Variants in OXTR observed in about 807,000 individuals in gnomAD.
OXTR encodes the protein oxytocin receptor.
In OXTR, 19 loss-of-function variants were observed where a neutral mutation model predicts 23.9. The ratio of observed to expected loss-of-function variants is 0.80; its 90% CI spans 0.56 to 1.17. The LOEUF (loss-of-function observed/expected upper bound fraction) is 1.17, where lower values mean the gene tolerates loss of function less well. Ranked by LOEUF, OXTR falls within the 50% of genes most tolerant of loss-of-function variation. The pLI is 0.00. For missense variants in OXTR, 500 were observed against 550.7 expected (o/e 0.91, Z 0.92); for synonymous variants, 278 against 250.5 (o/e 1.11, Z -1.04).
At chr3:8,743,274 G>C in the OXTR span, among the ~76,000 whole-genome samples, 1 of 152,148 alleles carries the variant, frequency 6.6e-6, no homozygotes, top group African/African-American at 2.4e-5. Flanking sequence ...ATGAATACAT[G>C]AAAGAAAAAT....
In OXTR at chr3:8,752,013, A is replaced by T. The variant is rs550558468; in HGVS notation, c.*964T>A. 24 of 152,284 alleles carry T rather than the reference A, an allele frequency of 1.6e-4. No homozygotes were observed. Among genetic ancestry groups the T allele is most frequent in the African/African-American group, 5.5e-4 (23 of 41,578 alleles). The allele number at this position is 152,284 out of a possible 1,614,324, so 9.4% of individuals were successfully genotyped here. A position where few individuals can be genotyped will look rare whatever the true frequency, so the allele number is the denominator to read the frequency against. On this transcript the variant is annotated 3_prime_UTR_variant, in exon 4 of 4. Coordinates refer to ENST00000316793, the MANE Select transcript of OXTR (RefSeq NM_000916.4). ...ATGAACACAGGATGTCTTTCCATTTATTTAAGCCTTCTTTAATTTCTTTCC... is the reference window on the plus strand; with the variant it reads ...ATGAACACAGGATGTCTTTCCATTTTTTTAAGCCTTCTTTAATTTCTTTCC...
chr3:8,761,103 T>C (rs971377934), intron 3 of OXTR, among the ~76,000 whole-genome samples: 2 of 152,128 alleles, frequency 1.3e-5, no homozygotes, highest in Non-Finnish European at 2.9e-5. Context: ...CTGACACACA[T>C]ACACACACGC....
chr3:8,753,255 A>G (rs769434256), intron 3 of OXTR, 31 bp from the exon 4 acceptor site: 8 of 1,610,198 alleles, frequency 5.0e-6, no homozygotes, highest in Non-Finnish European at 6.8e-6. Flanking sequence ...GAAAGGAGAA[A>G]AGGGCATTAA....
rs1559680657 is a variant in OXTR at position 8,767,680 on chromosome 3, G to A, written c.508C>T (p.Pro170Ser). Residue 170 changes from proline (P) to serine (S), a missense_variant, in exon 3 of 4, where the codon CCG becomes TCG. By Grantham distance (74) the Pro-to-Ser change is moderately conservative. Transcript: ENST00000316793. ...TWLGCLVASA[P>S]QVHIFSLREV... The stretch of plus-strand genomic sequence containing the variant: ...CGCAGAGAGAAGATGTGCACCTGCG[G>A]CGCGCTGGCCACCAGGCAGCCGAGC... The A allele has an allele frequency of 1.2e-6, 2 of 1,610,792 alleles. No homozygotes were observed. Among genetic ancestry groups the A allele is most frequent in the Non-Finnish European group, 1.7e-6 (2 of 1,178,704 alleles).
chr3:8,767,732 G>A lies in OXTR; in HGVS notation c.456C>T (p.Thr152=), dbSNP rs200646072. 1 of 1,609,506 alleles carries A rather than the reference G, an allele frequency of 6.2e-7. No homozygotes were observed. The highest frequency in any genetic ancestry group is 8.5e-7 in the Non-Finnish European group (1 of 1,178,084). ...CQPLRSLRRR[T]DRLAVLATWL... is the part of the protein sequence containing the mutation. ...ACGTGGCGAGCACTGCCAGGCGGTC[G>A]GTGCGGCGGCGCAGCGAGCGCAGCG... Residue 152 remains threonine, a synonymous_variant, in exon 3 of 4, where the codon ACC becomes ACT. Coordinates refer to ENST00000316793, the MANE Select transcript of OXTR (RefSeq NM_000916.4).
At chr3:8,744,929 G>T in the OXTR span, 1 of 153,600 alleles carries the variant, frequency 6.5e-6, no homozygotes, top group East Asian at 1.9e-4. Context: ...CAGGGAGCTT[G>T]TTAGAAATAC....
chr3:8,768,193 TG>T lies in OXTR; in HGVS notation c.-7del. 1 of 1,287,132 alleles carries T rather than the reference TG, an allele frequency of 7.8e-7. No homozygotes were observed. The highest frequency in any genetic ancestry group is 9.8e-7 in the Non-Finnish European group (1 of 1,024,150). The allele number at this position is 1,287,132 out of a possible 1,614,324, so 79.7% of individuals were successfully genotyped here. On this transcript the variant is annotated 5_prime_UTR_variant, in exon 3 of 4. Transcript: ENST00000316793. This position sits in a 1 kb window ranked among gnomAD's most constrained non-coding sequence, Gnocchi z 5.4. ...GCTGCGAGCGCGCCCTCCATGACCC[TG>T]GCGGCAGCGGTGCGCCCCGGCCTTC...
rs1338320549 is a variant in OXTR, at chr3:8,767,779, G to T, written c.409C>A (p.Arg137Ser). Residue 137 changes from arginine (R) to serine (S), a missense_variant, in exon 3 of 4, where the codon CGC becomes AGC. Coordinates refer to ENST00000316793, the MANE Select transcript of OXTR (RefSeq NM_000916.4). ...TYLLLLMSLDRCLAICQPLRS... is the reference protein window; with the variant it reads ...TYLLLLMSLDSCLAICQPLRS... ...AGCGGCTGGCAGATGGCCAGGCAGC[G>T]GTCCAGGGACATGAGCAGCAGCAGG... 4 of 1,606,106 alleles carry T rather than the reference G, an allele frequency of 2.5e-6. No individual in the cohort carries two copies. Among genetic ancestry groups the T allele is most frequent in the Non-Finnish European group, 3.4e-6 (4 of 1,176,378 alleles).
Position 8,768,531 on chromosome 3 carries a change from T to G in OXTR, c.-178A>C. On this transcript the variant is annotated 5_prime_UTR_variant, in exon 2 of 4. Transcript: ENST00000316793. This position sits in a 1 kb window ranked among gnomAD's most constrained non-coding sequence, Gnocchi z 5.4. ...CCACTGCAAATGAGCGGGAATCCTC[T>G]ACCGGCCACAAGCCCAGAGCCCCCA... is the stretch of plus-strand genomic sequence containing the variant. 4.7e-6 allele frequency: 1 copy of G among 213,860 alleles called. No individual in the cohort carries two copies. The highest frequency in any genetic ancestry group is 9.2e-6 in the Non-Finnish European group (1 of 109,176). The allele number at this position is 213,860 out of a possible 1,614,324, so 13.2% of individuals were successfully genotyped here. A position where few individuals can be genotyped will look rare whatever the true frequency, so the allele number is the denominator to read the frequency against.
At position 8,768,975 on chromosome 3, in the gene OXTR, C is replaced by A. The variant is rs555376687; in HGVS notation, c.-239+256G>T. Among the ~76,000 whole-genome samples, 1 of 152,230 alleles carries A rather than the reference C, an allele frequency of 6.6e-6. No individual in the cohort carries two copies. Among genetic ancestry groups the A allele is most frequent in the Admixed American group, 6.5e-5 (1 of 15,288 alleles). On this transcript the variant is annotated intron_variant, in intron 1 of 3. Transcript: ENST00000316793. This position sits in a 1 kb window ranked among gnomAD's most constrained non-coding sequence, Gnocchi z 5.4. Reference sequence around the variant, plus strand: ...AGATGCCCAAGCGCTGTTCCCAGACCCTGGCATAGACACCTCCCGCGGGGC... The same window carrying A: ...AGATGCCCAAGCGCTGTTCCCAGACACTGGCATAGACACCTCCCGCGGGGC...
downstream of OXTR, chr3:8,745,929 G>A (rs1375280029): frequency 1.4e-6 from 2 of 1,394,340 alleles, no homozygotes; most frequent in African/African-American, 1.4e-5. This position sits in a 1 kb window ranked among gnomAD's most constrained non-coding sequence, Gnocchi z 4.8. Context: ...GTCCCCGGGG[G>A]ACTTCTTCAC....
intron 3 of OXTR, among the ~76,000 whole-genome samples, chr3:8,759,010 G>C (rs1708433466): frequency 6.6e-6 from 1 of 152,214 alleles, no homozygotes; most frequent in African/African-American, 2.4e-5. Context: ...GGCGCCACCT[G>C]TTTCCTTGTC....
At chr3:8,760,120 C>G (rs1433527406) in intron 3 of OXTR, among the ~76,000 whole-genome samples, 1 of 152,246 alleles carries the variant, frequency 6.6e-6, no homozygotes, top group Non-Finnish European at 1.5e-5. Flanking sequence ...CCATCAGCTA[C>G]ACTGACTTGC....
At chr3:8,754,311 T>G (rs185164508) in intron 3 of OXTR, among the ~76,000 whole-genome samples, 10 of 152,296 alleles carry the variant, frequency 6.6e-5, no homozygotes, top group African/African-American at 2.2e-4. Context: ...AAAATCTGCC[T>G]TCTTTCAATG....
At chr3:8,745,971 G>A (rs1162958015), downstream of OXTR, 4 of 903,648 alleles carry the variant, frequency 4.4e-6, no homozygotes, top group South Asian at 6.3e-5. The surrounding 1 kb of genome is among the most constrained non-coding windows in gnomAD (Gnocchi z 4.8). Context: ...TCTCTTTAGG[G>A]ACTGCTCCAT....
At chr3:8,742,378 G>T in the OXTR span, 1 of 287,232 alleles carries the variant, frequency 3.5e-6, no homozygotes, top group Non-Finnish European at 6.8e-6. Context: ...AAAAAAAGAA[G>T]AAGAAGAAGA....
chr3:8,762,827 G>A (rs997293290), intron 3 of OXTR, among the ~76,000 whole-genome samples: 7 of 152,198 alleles, frequency 4.6e-5, no homozygotes, highest in Non-Finnish European at 7.3e-5. Context: ...CAGTGATGGG[G>A]CGCTCCTTTC....
At position 8,751,845 on chromosome 3, in the gene OXTR, G is replaced by A. The variant is rs560770893; in HGVS notation, c.*1132C>T. 2.0e-5 allele frequency: 3 copies of A among 152,134 alleles called. No homozygotes were observed. Among genetic ancestry groups the A allele is most frequent in the African/African-American group, 4.8e-5 (2 of 41,508 alleles). 9.4% of individuals were successfully genotyped at this position (152,134 alleles called of 1,614,324 possible). A position where few individuals can be genotyped will look rare whatever the true frequency, so the allele number is the denominator to read the frequency against. Reference sequence around the variant, plus strand: ...TTTTCAAGGCTTATTTGGATATTCTGGGTCCCTTGCATTTCTTTATGAATT... The same window carrying A: ...TTTTCAAGGCTTATTTGGATATTCTAGGTCCCTTGCATTTCTTTATGAATT... On this transcript the variant is annotated 3_prime_UTR_variant, in exon 4 of 4. Coordinates refer to ENST00000316793, the MANE Select transcript of OXTR (RefSeq NM_000916.4).
Position 8,767,217 on chromosome 3 carries a change from T to G in OXTR, c.922+49A>C, listed in dbSNP as rs200031870. 1.8e-5 allele frequency: 27 copies of G among 1,496,706 alleles called. No homozygotes were observed. In the East Asian group the frequency reaches 5.9e-4, roughly 33 times the overall value. 92.7% of individuals were successfully genotyped at this position (1,496,706 alleles called of 1,614,324 possible). On this transcript the variant is annotated intron_variant, in intron 3 of 3. Transcript: ENST00000316793. ...ATTCTGAGGCAGCAAGATAAGGGCC[T>G]CCCCCAGCCACCAGGCTCCCTCCTC...
Sources: allele counts gnomAD v4.1 joint callset (sites outside exome capture counted in the v4.1 genomes callset), GRCh38; gene constraint gnomAD v4.1.1; non-coding constraint Gnocchi (gnomAD v3.1); transcripts MANE v1.5; gene names NCBI Gene and HGNC (gene_info 2026-07-23, HGNC 2026-07-21).